EYA2: variants seen among roughly 807,000 people sequenced by gnomAD.
EYA2 encodes the protein protein phosphatase EYA2.
A neutral mutation model predicts 69.2 loss-of-function variants in EYA2; 31 were observed. That is an observed-to-expected ratio of 0.45 (90% CI 0.34 to 0.60). EYA2 has a LOEUF of 0.60. EYA2 is among the 20% of genes least tolerant of loss of function. EYA2 has a pLI of 0.02. For synonymous variants in EYA2, 257 were observed against 279.4 expected, an observed-to-expected ratio of 0.92 and a Z score of 0.80; for missense variants, 622 against 701.2, an observed-to-expected ratio of 0.89 and a Z score of 1.28.
chr20:47,081,391 A>G (rs78435888), intron 7 of EYA2, among the ~76,000 whole-genome samples: 2 of 152,150 alleles, frequency 1.3e-5, no homozygotes, highest in African/African-American at 4.8e-5. Context: ...CAATATATAC[A>G]TATATCAAAA....
intron 10 of EYA2, among the ~76,000 whole-genome samples, chr20:47,144,836 C>T (rs768402756): frequency 1.5e-4 from 23 of 152,176 alleles, no homozygotes; most frequent in Non-Finnish European, 2.6e-4. Flanking sequence ...AGTTCAGGCT[C>T]GCTTCACGAT....
chr20:46,915,206 C>T (rs140455208), intron 1 of EYA2, among the ~76,000 whole-genome samples: 1 of 152,294 alleles, frequency 6.6e-6, no homozygotes, highest in Admixed American at 6.5e-5. Context: ...TGAGCCCATT[C>T]GGGGCTGCCA....
intron 9 of EYA2, among the ~76,000 whole-genome samples, chr20:47,113,856 G>GT (rs35238851): frequency 0.41 from 60,688 of 147,506 alleles, 12,516 homozygotes; most frequent in East Asian, 0.61. Context: ...TCCTAGATGG[G>GT]TTTTTTTTTT....
chr20:47,095,168 T>C (rs2032212279), intron 8 of EYA2, among the ~76,000 whole-genome samples: 1 of 152,038 alleles, frequency 6.6e-6, no homozygotes. Context: ...AAATAAAAAG[T>C]GGAGGCTACT....
chr20:47,159,690 A>G (rs1294157721), intron 10 of EYA2, among the ~76,000 whole-genome samples: 1 of 152,040 alleles, frequency 6.6e-6, no homozygotes, highest in Admixed American at 6.5e-5. Flanking sequence ...ACTTTTCTGT[A>G]AATCTAAAAC....
At chr20:47,065,198 T>A (rs970047188) in intron 5 of EYA2, among the ~76,000 whole-genome samples, 1 of 152,074 alleles carries the variant, frequency 6.6e-6, no homozygotes, top group Non-Finnish European at 1.5e-5. Context: ...GAGCTACAAT[T>A]CAAGATGAGA....
intron 1 of EYA2, among the ~76,000 whole-genome samples, chr20:46,958,774 T>C (rs1209264264): frequency 1.3e-5 from 2 of 152,164 alleles, no homozygotes; most frequent in African/African-American, 4.8e-5. Context: ...CTCGCACCTA[T>C]TAAGTGAGAA....
intron 14 of EYA2, among the ~76,000 whole-genome samples, chr20:47,181,251 CAG>C (rs1243407857): frequency 1.1e-4 from 16 of 152,316 alleles, no homozygotes; most frequent in African/African-American, 3.8e-4. Flanking sequence ...GTAGAACAGA[CAG>C]AGGTGAGTGA....
chr20:46,968,773 C>G (rs1337731725), intron 1 of EYA2, among the ~76,000 whole-genome samples: 1 of 151,984 alleles, frequency 6.6e-6, no homozygotes, highest in African/African-American at 2.4e-5. Context: ...CAGCAAAATC[C>G]CACCCCGCCG....
chr20:46,937,102 T>G (rs1020040588), intron 1 of EYA2, among the ~76,000 whole-genome samples: 1 of 152,112 alleles, frequency 6.6e-6, no homozygotes, highest in African/African-American at 2.4e-5. Flanking sequence ...TGCAAAGTAA[T>G]AAATCCCTTT....
At chr20:46,969,219 G>GT (rs796971465) in intron 1 of EYA2, among the ~76,000 whole-genome samples, 9,495 of 150,522 alleles carry the variant, frequency 0.063, 830 homozygotes, top group African/African-American at 0.2. Context: ...TTTGTTTTTG[G>GT]TTTTTTTTTT....
chr20:46,969,367 G>T (rs534591020), intron 1 of EYA2, among the ~76,000 whole-genome samples: 1 of 152,298 alleles, frequency 6.6e-6, no homozygotes, highest in East Asian at 1.9e-4. Flanking sequence ...ACAGGCATGA[G>T]CCACCGTGCC....
At chr20:47,109,403 C>G (rs1255912763) in intron 9 of EYA2, among the ~76,000 whole-genome samples, 1 of 152,148 alleles carries the variant, frequency 6.6e-6, no homozygotes, top group Non-Finnish European at 1.5e-5. Flanking sequence ...CCTTTCCCTC[C>G]CCTCCCTATA....
In EYA2 at chr20:46,968,705, A is replaced by ACCCT. The variant is rs964832343; in HGVS notation, c.-10-21292_-10-21289dup. Among the ~76,000 whole-genome samples the ACCCT allele has an allele frequency of 8.6e-5, 13 of 151,872 alleles. 1 individual carries two copies. The highest frequency in any genetic ancestry group is 2.0e-4 in the Admixed American group (3 of 15,244). ...CTTCTACCCACCGGATGCCAATAGCACCCTCCCCATTGGTGATAACCAAAA... is the reference window on the plus strand; with the variant it reads ...CTTCTACCCACCGGATGCCAATAGCACCCTCCCTCCCCATTGGTGATAACCAAAA... On this transcript the variant is annotated intron_variant, in intron 1 of 15. Coordinates refer to ENST00000327619, the MANE Select transcript of EYA2 (RefSeq NM_005244.5).
At chr20:46,951,948 T>C (rs1600574975) in intron 1 of EYA2, among the ~76,000 whole-genome samples, 2 of 152,186 alleles carry the variant, frequency 1.3e-5, no homozygotes, top group Non-Finnish European at 2.9e-5. Context: ...TTCCTTCCTC[T>C]CTCTTAACAA....
intron 5 of EYA2, among the ~76,000 whole-genome samples, chr20:47,064,469 T>C (rs896322278): frequency 1.3e-5 from 2 of 152,256 alleles, no homozygotes; most frequent in African/African-American, 2.4e-5. Flanking sequence ...TTTGCTTAAA[T>C]ACTTGTTTTC....
chr20:47,125,729 G>T (rs2033173099), intron 9 of EYA2, among the ~76,000 whole-genome samples: 1 of 152,230 alleles, frequency 6.6e-6, no homozygotes, highest in South Asian at 2.1e-4. Flanking sequence ...AGAATAGGGA[G>T]CTGGTTTAAT....
intron 9 of EYA2, among the ~76,000 whole-genome samples, chr20:47,130,414 G>T (rs893412280): frequency 1.3e-5 from 2 of 150,588 alleles, no homozygotes; most frequent in African/African-American, 4.9e-5. Context: ...ACAGGCGCCC[G>T]CCATCACGCC....
intron 4 of EYA2, among the ~76,000 whole-genome samples, chr20:47,006,510 C>G (rs1287615959): frequency 6.6e-6 from 1 of 152,208 alleles, no homozygotes; most frequent in Non-Finnish European, 1.5e-5. Context: ...TTAATATGCT[C>G]GTTTCATCTT....
Sources: gnomAD v4.1 joint callset for allele counts (sites outside exome capture counted in the v4.1 genomes callset) on GRCh38, gnomAD v4.1.1 for gene constraint, MANE v1.5 for transcripts, NCBI Gene and HGNC (gene_info 2026-07-23, HGNC 2026-07-21) for gene names.